PLXND1: variants seen among roughly 807,000 people sequenced by gnomAD.
PLXND1 encodes plexin-D1.
PLXND1 carries 54 observed loss-of-function variants against 197.7 expected under a neutral mutation model. The observed-to-expected ratio is 0.27, with a 90% CI of 0.22 to 0.34. The LOEUF (loss-of-function observed/expected upper bound fraction) is 0.34, where lower values mean the gene tolerates loss of function less well. Ranked by LOEUF, PLXND1 falls within the 10% of genes least tolerant of loss-of-function variation. The probability of loss-of-function intolerance (pLI) is 1.00; values close to 1 mark genes in which losing one functional copy is unlikely to be tolerated. For synonymous variants in PLXND1, 1,180 were observed against 1,161.2 expected (o/e 1.02, Z -0.33); for missense variants, 2,127 against 2,699.2 (o/e 0.79, Z 4.70).
At chr3:129,571,017 A>C in intron 18 of PLXND1, 23 bp downstream of exon 18, 2 of 1,612,878 alleles carry the variant, frequency 1.2e-6, no homozygotes, top group Non-Finnish European at 1.7e-6. Context: ...GCCCCCGCCT[A>C]CCCCGGCCCC....
intron 34 of PLXND1, 185 bp downstream of exon 34, chr3:129,556,898 G>A: frequency 1.4e-6 from 1 of 730,806 alleles, no homozygotes; most frequent in Admixed American, 2.6e-5. Context: ...GTGCTCTCCT[G>A]CCCCCGCTCC....
rs2085069019 is a variant in PLXND1 at position 129,561,971 on chromosome 3, C to T, written c.4826-68G>A. The stretch of plus-strand genomic sequence containing the variant: ...TGGGCCTGAGGGGTAGGTACCGGCC[C>T]AGCCACATAGGGAGAGGCCTCTCGC... On this transcript the variant is annotated intron_variant, in intron 27 of 35. Transcript: ENST00000324093. The T allele has an allele frequency of 8.7e-6, 9 of 1,035,086 alleles. No individual in the cohort carries two copies. The South Asian group carries it at 1.1e-4, about 13-fold the overall frequency. 64.1% of individuals were successfully genotyped at this position (1,035,086 alleles called of 1,614,324 possible).
intron 25 of PLXND1, among the ~76,000 whole-genome samples, chr3:129,564,419 G>A (rs761940760): frequency 6.6e-5 from 10 of 152,270 alleles, no homozygotes; most frequent in Non-Finnish European, 1.0e-4. Flanking sequence ...GCCAAAGCGG[G>A]AGGATTGCTT....
In PLXND1 at chr3:129,606,169, C is replaced by T; in HGVS notation, c.471G>A (p.Ser157=). 2.6e-6 allele frequency: 4 copies of T among 1,539,304 alleles called. No homozygotes were observed. Among genetic ancestry groups the T allele is most frequent in the Non-Finnish European group, 3.5e-6 (4 of 1,149,766 alleles). Residue 157 remains serine, a synonymous_variant, in exon 1 of 36, where the codon TCG becomes TCA. Transcript: ENST00000324093. ...CGGGCGGGAAGCGCACGGCCACGGCCGAGATGTTGCCCCGGCGCCGCAGCT... is the reference window on the plus strand; with the variant it reads ...CGGGCGGGAAGCGCACGGCCACGGCTGAGATGTTGCCCCGGCGCCGCAGCT... ...FCQLRRRGNI[S]AVAVRFPPAA...
At chr3:129,556,538 G>T (rs1330807148) in intron 35 of PLXND1, 79 bp downstream of exon 35, 3 of 1,330,660 alleles carry the variant, frequency 2.3e-6, no homozygotes, top group African/African-American at 1.4e-5. Context: ...TCCATTAGGG[G>T]CAAGCACCCT....
intron 20 of PLXND1, 191 bp downstream of exon 20, chr3:129,569,652 T>C: frequency 1.7e-6 from 1 of 577,434 alleles, no homozygotes; most frequent in East Asian, 2.9e-5. Flanking sequence ...CCTAACATCT[T>C]CTACCCATTG....
At chr3:129,571,339 C>A in intron 17 of PLXND1, 36 bp from the exon 18 acceptor site, 1 of 1,596,260 alleles carries the variant, frequency 6.3e-7, no homozygotes, top group Non-Finnish European at 8.5e-7. Flanking sequence ...GGCCGGGATG[C>A]AGGATGGACA....
intron 3 of PLXND1, 146 bp from the exon 4 acceptor site, chr3:129,586,418 C>G: frequency 1.9e-6 from 2 of 1,056,560 alleles, no homozygotes; most frequent in Non-Finnish European, 2.8e-6. Context: ...ACAAGGCTTC[C>G]CTGCAGAGGC....
chr3:129,571,659 G>A lies in PLXND1; in HGVS notation c.3245+18C>T. The A allele has an allele frequency of 1.2e-6, 2 of 1,613,720 alleles. No individual in the cohort carries two copies. The highest frequency in any genetic ancestry group is 1.1e-5 in the South Asian group (1 of 91,082). On this transcript the variant is annotated intron_variant, in intron 16 of 35. Transcript: ENST00000324093. ...CAGCCCCAGAGAGCCTGGGGGAAGG[G>A]CGGGGTGCCAGTCTCACCTGACAGG...
intron 8 of PLXND1, among the ~76,000 whole-genome samples, chr3:129,580,802 C>A (rs1464093451): frequency 1.3e-5 from 2 of 152,022 alleles, no homozygotes; most frequent in African/African-American, 2.4e-5. Flanking sequence ...GACCCTGAAT[C>A]CACCTGGTCC....
Position 129,605,813 on chromosome 3 carries a change from T to C in PLXND1, c.827A>G (p.Lys276Arg), listed in dbSNP as rs764511186. Residue 276 changes from lysine to arginine, a missense_variant, in exon 1 of 36, where the codon AAG (lysine) becomes AGG (arginine). By Grantham distance (26) the Lys-to-Arg change is conservative (BLOSUM62 2). Transcript: ENST00000324093. ...KIKQGAKEQH[K>R]LGFVSAFLHP... ...CAGGAAGGCGCTCACGAAGCCCAGCTTGTGCTGCTCCTTGGCGCCCTGCTT... is the reference window on the plus strand; with the variant it reads ...CAGGAAGGCGCTCACGAAGCCCAGCCTGTGCTGCTCCTTGGCGCCCTGCTT... 6.2e-7 allele frequency: 1 copy of C among 1,608,650 alleles called. No homozygotes were observed. The highest frequency in any genetic ancestry group is 1.1e-5 in the South Asian group (1 of 90,442).
chr3:129,582,034 C>G (rs777305984), intron 8 of PLXND1, among the ~76,000 whole-genome samples: 1 of 152,208 alleles, frequency 6.6e-6, no homozygotes, highest in Non-Finnish European at 1.5e-5. Flanking sequence ...ATCTGGGGGT[C>G]CAGGAGCAGC....
At chr3:129,580,379 C>A (rs961937138) in intron 8 of PLXND1, among the ~76,000 whole-genome samples, 1 of 152,160 alleles carries the variant, frequency 6.6e-6, no homozygotes. Context: ...CCCTGCAGAC[C>A]GCAGGCTGCC....
intron 25 of PLXND1, among the ~76,000 whole-genome samples, chr3:129,564,208 G>A (rs1382965674): frequency 6.6e-6 from 1 of 152,230 alleles, no homozygotes; most frequent in African/African-American, 2.4e-5. Flanking sequence ...AGGAGGAGCC[G>A]TGGGGCTCCC....
chr3:129,560,714 A>C lies in PLXND1; in HGVS notation c.5003T>G (p.Leu1668Trp). 1 of 1,599,990 alleles carries C rather than the reference A, an allele frequency of 6.3e-7. No individual in the cohort carries two copies. Among genetic ancestry groups the C allele is most frequent in the South Asian group, 1.1e-5 (1 of 90,776 alleles). ...CAAATGGAAATACTTCTCTGTGTCC[A>C]AGTCTTTCACTGTGAGAGGAAAAAC... is the stretch of plus-strand genomic sequence containing the variant. The part of the protein sequence containing the change: ...KDNTLGRVKD[L>W]DTEKYFHLVL... The change falls in exon 30 of 36, where the codon TTG becomes TGG. Residue 1668 changes from leucine (L) to tryptophan (W), a missense_variant. By Grantham distance (61) the Leu-to-Trp change is moderately conservative (BLOSUM62 -2). Coordinates refer to ENST00000324093, the MANE Select transcript of PLXND1 (RefSeq NM_015103.3).
rs142600548 is a variant in PLXND1 at position 129,592,057 on chromosome 3, C to A, written c.1312-2530G>T. 2.6e-3 allele frequency among the ~76,000 whole-genome samples: 394 copies of A among 152,338 alleles called. 7 individuals carry two copies. Among genetic ancestry groups the A allele is most frequent in the East Asian group, 6.6e-3 (34 of 5,184 alleles). ...CTCAAATATCACAAGCTCGTTCCTG[C>A]CTCAGGACCTCTGGCCTGGCCGCTC... is the stretch of plus-strand genomic sequence containing the variant. On this transcript the variant is annotated intron_variant, in intron 1 of 35. Transcript: ENST00000324093.
At chr3:129,589,253 G>C in intron 2 of PLXND1, 98 bp downstream of exon 2, 1 of 836,844 alleles carries the variant, frequency 1.2e-6, no homozygotes, top group Non-Finnish European at 1.9e-6. Flanking sequence ...GGGTCAGGCT[G>C]GACCTGTAGC....
At chr3:129,603,771 G>A (rs889554106) in intron 1 of PLXND1, among the ~76,000 whole-genome samples, 2 of 152,220 alleles carry the variant, frequency 1.3e-5, no homozygotes, top group African/African-American at 4.8e-5. Context: ...TTAATCTCAT[G>A]AAATTCTTGT....
In PLXND1 at chr3:129,573,650, C is replaced by T. The variant is rs1254224457; in HGVS notation, c.2781G>A (p.Val927=). The T allele has an allele frequency of 3.7e-6, 6 of 1,613,530 alleles. No homozygotes were observed. Among genetic ancestry groups the T allele is most frequent in the African/African-American group, 2.7e-5 (2 of 74,924 alleles). The change falls in exon 13 of 36, where the codon GTG becomes GTA. Residue 927 remains valine, a synonymous_variant. Transcript: ENST00000324093. ...GRRLSDVAHG[V]WIGGVACEPL... ...GCTCACAGGCCACACCACCAATCCA[C>T]ACGCCGTGGGCCACGTCACTGAGCC...
Sources: allele counts gnomAD v4.1 joint callset (sites outside exome capture counted in the v4.1 genomes callset), GRCh38; gene constraint gnomAD v4.1.1; transcripts MANE v1.5; gene names NCBI Gene and HGNC (gene_info 2026-07-23, HGNC 2026-07-21).